TTC9C: variants seen among roughly 807,000 people sequenced by gnomAD.
The protein encoded by TTC9C is tetratricopeptide repeat protein 9C.
Under a neutral mutation model 22.5 loss-of-function variants are expected in TTC9C, and 15 were observed. The ratio of observed to expected loss-of-function variants is 0.67; its 90% CI spans 0.45 to 1.03. The LOEUF (loss-of-function observed/expected upper bound fraction) is 1.03, where lower values mean the gene tolerates loss of function less well. TTC9C is among the 50% of genes least tolerant of loss of function. The probability of loss-of-function intolerance (pLI) is 0.00; values close to 1 mark genes in which losing one functional copy is unlikely to be tolerated. For missense variants in TTC9C, 244 were observed against 214.6 expected (o/e 1.14, Z -0.86); for synonymous variants, 92 against 86.8 (o/e 1.06, Z -0.33).
Position 62,738,290 on chromosome 11 carries a change from G to C in TTC9C, c.424G>C (p.Ala142Pro). The C allele has an allele frequency of 6.2e-7, 1 of 1,608,858 alleles. No homozygotes were observed. Among genetic ancestry groups the C allele is most frequent in the South Asian group, 1.1e-5 (1 of 90,612 alleles). ...TTGCTTCTCCATCATCTTCCAAGAT[G>C]CCAACGTCCGGCGGTACCTCCAGCT... ...LAAVNRQPKD[A>P]NVRRYLQLTQ... Residue 142 changes from alanine (A) to proline (P), a missense_variant and splice_region_variant, in exon 3 of 3, where the codon GCC becomes CCC. By Grantham distance (27) the Ala-to-Pro change is conservative. Coordinates refer to ENST00000316461, the MANE Select transcript of TTC9C (RefSeq NM_173810.4).
intron 1 of TTC9C, among the ~76,000 whole-genome samples, chr11:62,732,654 C>A (rs2083865703): frequency 6.7e-6 from 1 of 150,108 alleles, no homozygotes; most frequent in Non-Finnish European, 1.5e-5. Flanking sequence ...GGTGCGGTGG[C>A]TCACGCCTGT....
chr11:62,728,708 C>T lies in TTC9C; in HGVS notation c.-141C>T, dbSNP rs772468032. On this transcript the variant is annotated 5_prime_UTR_variant, in exon 1 of 3. Transcript: ENST00000316461. ...CAGTAGAAACAAGCAAACCGCAGGT[C>T]CCTGTGGGGGGACTCTCCAGGAAGA... 6.2e-6 allele frequency: 5 copies of T among 810,396 alleles called. No homozygotes were observed. Among genetic ancestry groups the T allele is most frequent in the Non-Finnish European group, 1.0e-5 (5 of 480,488 alleles). The allele number at this position is 810,396 out of a possible 1,614,324, so 50.2% of individuals were successfully genotyped here.
Position 62,730,222 on chromosome 11 carries a change from G to A in TTC9C, c.238+1136G>A, listed in dbSNP as rs140056465. 9.3e-4 allele frequency among the ~76,000 whole-genome samples: 142 copies of A among 152,020 alleles called. 1 individual carries two copies. The highest frequency in any genetic ancestry group is 6.8e-3 in the Middle Eastern group (2 of 294). Reference sequence around the variant, plus strand: ...TCTGGAATAGCTGGGATACAGGCGCGTGCCACCACGCCTGGCTAATTTTTT... The same window carrying A: ...TCTGGAATAGCTGGGATACAGGCGCATGCCACCACGCCTGGCTAATTTTTT... On this transcript the variant is annotated intron_variant, in intron 1 of 2. Transcript: ENST00000316461.
In TTC9C at chr11:62,738,343, T is replaced by C. The variant is rs754044241; in HGVS notation, c.477T>C (p.His159=). 6.3e-5 allele frequency: 101 copies of C among 1,613,044 alleles called. No individual in the cohort carries two copies. In the East Asian group the frequency reaches 2.0e-3, roughly 31 times the overall value. Residue 159 remains histidine (H), a synonymous_variant, in exon 3 of 3, where the codon CAT becomes CAC. Transcript: ENST00000316461. ...QLTQSELSSY[H]RKEKQLYLGM... ...CACAGTCAGAACTCAGCAGCTACCA[T>C]AGAAAAGAGAAGCAGCTCTACCTGG... is the stretch of plus-strand genomic sequence containing the variant.
intron 2 of TTC9C, among the ~76,000 whole-genome samples, chr11:62,738,082 TAGC>T (rs1334291831): frequency 2.7e-5 from 4 of 148,000 alleles, no homozygotes; most frequent in African/African-American, 7.7e-5. Context: ...AAATAAAAAT[TAGC>T]AGCCGGGACA....
chr11:62,735,519 C>G lies in TTC9C; in HGVS notation c.376C>G (p.Gln126Glu). The change falls in exon 2 of 3, where the codon CAG becomes GAG. Residue 126 changes from glutamine to glutamate, a missense_variant. Transcript: ENST00000316461. ...CTTTTTCCATCTGCAGGACTATGAC[C>G]AGGCCCGCCACTACCTCCTGGCTGC... is the stretch of plus-strand genomic sequence containing the variant. ...VAFFHLQDYD[Q>E]ARHYLLAAVN... 1 of 1,605,048 alleles carries G rather than the reference C, an allele frequency of 6.2e-7. No individual in the cohort carries two copies. Among genetic ancestry groups the G allele is most frequent in the Non-Finnish European group, 8.5e-7 (1 of 1,174,788 alleles).
At chr11:62,733,485 A>C (rs1470437133) in intron 1 of TTC9C, among the ~76,000 whole-genome samples, 1 of 152,192 alleles carries the variant, frequency 6.6e-6, no homozygotes, top group Non-Finnish European at 1.5e-5. Context: ...AATTAATGGC[A>C]ACCATTATTA....
At chr11:62,731,725 T>G (rs1041342702) in intron 1 of TTC9C, among the ~76,000 whole-genome samples, 1 of 151,832 alleles carries the variant, frequency 6.6e-6, no homozygotes, top group Non-Finnish European at 1.5e-5. Context: ...AGTCTTGCTC[T>G]GTCGCCCAGG....
intron 1 of TTC9C, among the ~76,000 whole-genome samples, chr11:62,735,076 G>C (rs1335263802): frequency 6.6e-6 from 1 of 151,824 alleles, no homozygotes; most frequent in Non-Finnish European, 1.5e-5. Flanking sequence ...TTTATTTTCA[G>C]TAGAGACGGG....
In TTC9C at chr11:62,728,652, A is replaced by G. The variant is rs530124271; in HGVS notation, c.-197A>G. On this transcript the variant is annotated 5_prime_UTR_variant, in exon 1 of 3. Transcript: ENST00000316461. ...TACTACTTGCCTGCACTTCTTGAGA[A>G]AAAGACTGCAGAAAGGAGAGGTGGG... The G allele has an allele frequency of 2.9e-6, 2 of 695,522 alleles. No individual in the cohort carries two copies. The highest frequency in any genetic ancestry group is 4.0e-5 in the Admixed American group (2 of 49,686). The allele number at this position is 695,522 out of a possible 1,614,324, so 43.1% of individuals were successfully genotyped here.
At chr11:62,735,289 T>C in intron 1 of TTC9C, 93 bp from the exon 2 acceptor site, 1 of 1,492,364 alleles carries the variant, frequency 6.7e-7, no homozygotes, top group Non-Finnish European at 9.0e-7. Context: ...TGAATGTTGT[T>C]ACCACCCTGT....
In TTC9C at chr11:62,737,787, C is replaced by T. The variant is rs561428954; in HGVS notation, c.422-501C>T. On this transcript the variant is annotated intron_variant, in intron 2 of 2. Transcript: ENST00000316461. Reference sequence around the variant, plus strand: ...GTGGCTCACACCTGTAATCCCAGCACTTTGGGAGGCCAAGGCGGGTGGATC... The same window carrying T: ...GTGGCTCACACCTGTAATCCCAGCATTTTGGGAGGCCAAGGCGGGTGGATC... 2.6e-5 allele frequency among the ~76,000 whole-genome samples: 4 copies of T among 152,278 alleles called. No homozygotes were observed. In the South Asian group the frequency reaches 8.3e-4, roughly 32 times the overall value.
Position 62,728,529 on chromosome 11 carries a change from G to T in TTC9C, c.-320G>T, listed in dbSNP as rs750442193. ...ACGCCCGCAACAATTCCTGAGTAGG[G>T]CCTTGCTTGAGTTCTTCGGAAAGTC... On this transcript the variant is annotated 5_prime_UTR_variant, in exon 1 of 3. Transcript: ENST00000316461. The T allele has an allele frequency of 1.6e-5, 8 of 502,822 alleles. No individual in the cohort carries two copies. The highest frequency in any genetic ancestry group is 1.3e-4 in the African/African-American group (7 of 51,922). 31.1% of individuals were successfully genotyped at this position (502,822 alleles called of 1,614,324 possible). A position where few individuals can be genotyped will look rare whatever the true frequency, so the allele number is the denominator to read the frequency against.
rs1375036205 is a variant in TTC9C, at chr11:62,735,579, C to T, written c.421+15C>T. On this transcript the variant is annotated intron_variant, in intron 2 of 2. Transcript: ENST00000316461. ...GCAGCCTAAAGGTAAGCAAGAAGGG[C>T]TTTGAAATGGTAAAGACAAAATTGT... is the stretch of plus-strand genomic sequence containing the variant. The T allele has an allele frequency of 1.3e-6, 2 of 1,586,810 alleles. No individual in the cohort carries two copies. The highest frequency in any genetic ancestry group is 1.4e-5 in the African/African-American group (1 of 73,934).
At chr11:62,729,890 T>C (rs1431658856) in intron 1 of TTC9C, among the ~76,000 whole-genome samples, 1 of 152,160 alleles carries the variant, frequency 6.6e-6, no homozygotes, top group Admixed American at 6.5e-5. Context: ...TTTGCATTTC[T>C]AACAGCCTTC....
intron 1 of TTC9C, among the ~76,000 whole-genome samples, chr11:62,730,371 G>A (rs1280482559): frequency 6.6e-6 from 1 of 152,050 alleles, no homozygotes; most frequent in Non-Finnish European, 1.5e-5. Context: ...CACTGCACCC[G>A]GCCCAGTAAT....
At position 62,738,490 on chromosome 11, in the gene TTC9C, G is replaced by C; in HGVS notation, c.*108G>C. ...AAATTAACCCTATACCTCTGACCCA[G>C]GTGGATTTTTGTTTCTAGTTCTGCA... On this transcript the variant is annotated 3_prime_UTR_variant, in exon 3 of 3. Transcript: ENST00000316461. The C allele has an allele frequency of 4.1e-6, 3 of 731,654 alleles. No individual in the cohort carries two copies. The highest frequency in any genetic ancestry group is 6.7e-6 in the Non-Finnish European group (3 of 447,216). 45.3% of individuals were successfully genotyped at this position (731,654 alleles called of 1,614,324 possible).
In TTC9C at chr11:62,728,990, C is replaced by G. The variant is rs777546796; in HGVS notation, c.142C>G (p.Pro48Ala). Residue 48 changes from proline to alanine, a missense_variant, in exon 1 of 3, where the codon CCG becomes GCG. Physicochemically the swap from Pro to Ala is conservative, Grantham distance 27 (BLOSUM62 -1). Transcript: ENST00000316461. ...LRGLDPSLPSPLPNLGPQGPA... is the reference protein window; with the variant it reads ...LRGLDPSLPSALPNLGPQGPA... ...GGGTCTGGATCCGAGTCTGCCCTCT[C>G]CGTTACCTAATCTCGGACCTCAGGG... 1 of 1,614,118 alleles carries G rather than the reference C, an allele frequency of 6.2e-7. No homozygotes were observed. Among genetic ancestry groups the G allele is most frequent in the Admixed American group, 1.7e-5 (1 of 60,010 alleles).
At chr11:62,736,067 ATC>A (rs2083907871) in intron 2 of TTC9C, 1 of 150,592 alleles carries the variant, frequency 6.6e-6, no homozygotes, top group African/African-American at 2.4e-5. Context: ...GAGAAACCCC[ATC>A]TCTACTAAAA....
Sources: gnomAD v4.1 joint callset for allele counts (sites outside exome capture counted in the v4.1 genomes callset) on GRCh38, gnomAD v4.1.1 for gene constraint, MANE v1.5 for transcripts, NCBI Gene and HGNC (gene_info 2026-07-23, HGNC 2026-07-21) for gene names.